PTPRT: variants seen among roughly 807,000 people sequenced by gnomAD.
PTPRT encodes receptor-type tyrosine-protein phosphatase T.
Under a neutral mutation model 176.8 loss-of-function variants are expected in PTPRT, and 56 were observed. The ratio of observed to expected loss-of-function variants is 0.32; its 90% CI spans 0.26 to 0.40. The LOEUF is 0.40. PTPRT is among the 10% of genes least tolerant of loss of function. The pLI is 1.00. For missense variants in PTPRT, 1,540 were observed against 1,908.2 expected (o/e 0.81, Z 3.60); for synonymous variants, 783 against 739.0 (o/e 1.06, Z -0.96).
chr20:42,253,600 C>T (rs984151748), intron 13 of PTPRT, among the ~76,000 whole-genome samples: 4 of 152,144 alleles, frequency 2.6e-5, no homozygotes, highest in African/African-American at 9.7e-5. Context: ...AGGACCCAAT[C>T]TGAGAATAGG....
intron 1 of PTPRT, among the ~76,000 whole-genome samples, chr20:42,968,232 C>T (rs1163501716): frequency 1.3e-5 from 2 of 152,198 alleles, no homozygotes; most frequent in Non-Finnish European, 2.9e-5. Flanking sequence ...ATCCCATTGT[C>T]GATAGCCCAC....
chr20:42,468,106 T>A (rs559159712), intron 8 of PTPRT, among the ~76,000 whole-genome samples: 1 of 152,348 alleles, frequency 6.6e-6, no homozygotes, highest in East Asian at 1.9e-4. Flanking sequence ...TCAGCAGCCA[T>A]GAGCTGCTCT....
intron 7 of PTPRT, among the ~76,000 whole-genome samples, chr20:42,550,128 T>G (rs1407063177): frequency 6.6e-6 from 1 of 152,142 alleles, no homozygotes; most frequent in African/African-American, 2.4e-5. Flanking sequence ...CGCCCCTTGC[T>G]TTTGTGAATT....
At chr20:42,860,441 T>C (rs208269) in intron 2 of PTPRT, among the ~76,000 whole-genome samples, 52,115 of 152,182 alleles carry the variant, frequency 0.34, 10,543 homozygotes, top group African/African-American at 0.57. Flanking sequence ...TTTATAACAT[T>C]GCTTATACAT....
chr20:42,924,759 A>G (rs1185499217), intron 1 of PTPRT, among the ~76,000 whole-genome samples: 2 of 152,228 alleles, frequency 1.3e-5, no homozygotes, highest in Admixed American at 1.3e-4. Flanking sequence ...GAGTTGGCAA[A>G]GGTGAGTGGA....
intron 9 of PTPRT, among the ~76,000 whole-genome samples, chr20:42,428,916 G>A (rs1312049208): frequency 6.6e-6 from 1 of 152,046 alleles, no homozygotes; most frequent in African/African-American, 2.4e-5. Context: ...TTCCAAAACT[G>A]CGCCTTTACT....
chr20:42,196,221 T>A (rs1991212480), intron 16 of PTPRT, among the ~76,000 whole-genome samples: 1 of 152,184 alleles, frequency 6.6e-6, no homozygotes, highest in Non-Finnish European at 1.5e-5. Context: ...TGACCAGTAT[T>A]TTCAATCAGA....
chr20:42,371,205 C>T (rs2058582287), intron 9 of PTPRT, among the ~76,000 whole-genome samples: 1 of 152,186 alleles, frequency 6.6e-6, no homozygotes, highest in East Asian at 1.9e-4. Context: ...TAAAACCTGA[C>T]CATGGGGCCA....
intron 1 of PTPRT, among the ~76,000 whole-genome samples, chr20:42,989,907 T>C (rs1402458141): frequency 6.6e-6 from 1 of 152,230 alleles, no homozygotes. Context: ...TCACATCCCC[T>C]TGGGCTTCTC....
intron 1 of PTPRT, among the ~76,000 whole-genome samples, chr20:42,966,637 A>C (rs112811791): frequency 1.8e-4 from 28 of 152,344 alleles, no homozygotes; most frequent in African/African-American, 6.3e-4. Flanking sequence ...CCTGGGTGTC[A>C]AGAGCAATCA....
intron 11 of PTPRT, among the ~76,000 whole-genome samples, chr20:42,330,360 C>T (rs1050819894): frequency 7.2e-5 from 11 of 152,056 alleles, no homozygotes; most frequent in Non-Finnish European, 1.3e-4. Flanking sequence ...TCTGCAGTCC[C>T]AGCTGCTTGG....
intron 1 of PTPRT, among the ~76,000 whole-genome samples, chr20:42,917,315 G>A (rs1334816031): frequency 5.3e-5 from 8 of 152,050 alleles, no homozygotes; most frequent in Admixed American, 2.6e-4. Context: ...TGTTCCATTG[G>A]TCTATATCTC....
chr20:42,381,425 G>A lies in PTPRT; in HGVS notation c.1561-29140C>T, dbSNP rs74167775. ...CAACGTTCAGCTTGGTGGCAGCTCC[G>A]TCAGCCCGGGTCCCTGTGTGACTGC... On this transcript the variant is annotated intron_variant, in intron 9 of 30. Coordinates refer to ENST00000373187, the MANE Select transcript of PTPRT (RefSeq NM_007050.6). Among the ~76,000 whole-genome samples the A allele has an allele frequency of 1.8e-3, 278 of 152,246 alleles. 1 individual carries two copies. Among genetic ancestry groups the A allele is most frequent in the Non-Finnish European group, 2.9e-3 (198 of 68,024 alleles).
intron 1 of PTPRT, among the ~76,000 whole-genome samples, chr20:43,068,252 C>T (rs184045416): frequency 1.1e-3 from 164 of 149,196 alleles, no homozygotes; most frequent in African/African-American, 4.0e-3. Context: ...TGCCTGTAAT[C>T]CCAGCACTTT....
chr20:42,695,594 G>A (rs1347849544), intron 6 of PTPRT, among the ~76,000 whole-genome samples: 1 of 152,100 alleles, frequency 6.6e-6, no homozygotes, highest in African/African-American at 2.4e-5. Context: ...TGGAAAAGAT[G>A]GAAGACCATA....
At chr20:42,162,263 G>A (rs1989635282) in intron 16 of PTPRT, among the ~76,000 whole-genome samples, 1 of 152,138 alleles carries the variant, frequency 6.6e-6, no homozygotes, top group Admixed American at 6.5e-5. Flanking sequence ...TCTTCCTTCA[G>A]TGCTGCTAGC....
At chr20:42,448,050 G>A (rs1475665553) in intron 9 of PTPRT, among the ~76,000 whole-genome samples, 170 bp downstream of exon 9, 1 of 152,162 alleles carries the variant, frequency 6.6e-6, no homozygotes, top group Non-Finnish European at 1.5e-5. Flanking sequence ...TACCAGGACA[G>A]CTCCACTGTG....
intron 1 of PTPRT, among the ~76,000 whole-genome samples, chr20:42,990,387 G>T (rs6030590): frequency 0.033 from 5,033 of 152,114 alleles, 252 homozygotes; most frequent in African/African-American, 0.11. Context: ...GTTAATAAGT[G>T]ACTGATAATA....
chr20:42,555,635 C>T (rs771204972), intron 7 of PTPRT, among the ~76,000 whole-genome samples: 10 of 152,168 alleles, frequency 6.6e-5, no homozygotes, highest in Non-Finnish European at 1.2e-4. Context: ...AGTCCTTCCC[C>T]GCTGGCTGAG....
Sources: gnomAD v4.1 joint callset for allele counts (sites outside exome capture counted in the v4.1 genomes callset) on GRCh38, gnomAD v4.1.1 for gene constraint, MANE v1.5 for transcripts, NCBI Gene and HGNC (gene_info 2026-07-23, HGNC 2026-07-21) for gene names.